The following SLCO2A1 variants were observed in gnomAD, a reference collection of about 807,000 sequenced individuals.
SLCO2A1 encodes matrin F/G 1.
In SLCO2A1, 60 loss-of-function variants were observed where a neutral mutation model predicts 71.7. That is an observed-to-expected ratio of 0.84 (90% CI 0.68 to 1.04). The LOEUF (loss-of-function observed/expected upper bound fraction) is 1.04. Ranked by LOEUF, SLCO2A1 falls within the 50% of genes least tolerant of loss-of-function variation. SLCO2A1 has a pLI of 0.00. For synonymous variants in SLCO2A1, 308 were observed against 326.7 expected, an observed-to-expected ratio of 0.94 and a Z score of 0.62; for missense variants, 745 against 813.4, an observed-to-expected ratio of 0.92 and a Z score of 1.02.
In SLCO2A1 at chr3:133,973,818, T is replaced by C. The variant is rs1481959534; in HGVS notation, c.242A>G (p.Asn81Ser). Reference protein sequence around the residue: ...GLISSLNEISNAILIIFVSYF... With the variant: ...GLISSLNEISSAILIIFVSYF... ...GCTGACAAAGATGATGAGGATGGCA[T>C]TGCTGATCTGAGAAGAGAGCAGAAG... The change falls in exon 3 of 14, where the codon AAT (asparagine) becomes AGT (serine). Residue 81 changes from asparagine (N) to serine (S), a missense_variant. Coordinates refer to ENST00000310926, the MANE Select transcript of SLCO2A1 (RefSeq NM_005630.3). The C allele has an allele frequency of 6.2e-7, 1 of 1,613,006 alleles. No homozygotes were observed. Among genetic ancestry groups the C allele is most frequent in the East Asian group, 2.2e-5 (1 of 44,850 alleles).
chr3:133,942,859 CTG>C, intron 10 of SLCO2A1, 91 bp from the exon 11 acceptor site: 1 of 1,362,310 alleles, frequency 7.3e-7, no homozygotes, highest in African/African-American at 1.5e-5. Context: ...TTGTTGGAGA[CTG>C]AGGTTTCAAC....
intron 1 of SLCO2A1, among the ~76,000 whole-genome samples, chr3:134,004,656 G>T (rs572903911): frequency 6.6e-6 from 1 of 152,144 alleles, no homozygotes; most frequent in African/African-American, 2.4e-5. Context: ...AAAATAAGGA[G>T]GCAAGGGTCC....
At chr3:133,936,961 T>A (rs1933285140) in intron 12 of SLCO2A1, among the ~76,000 whole-genome samples, 3 of 152,182 alleles carry the variant, frequency 2.0e-5, no homozygotes, top group Admixed American at 2.0e-4. Context: ...GAAGTCCTTT[T>A]TTTTACCCAA....
At chr3:133,989,627 A>C (rs1362341100) in intron 1 of SLCO2A1, among the ~76,000 whole-genome samples, 1 of 152,244 alleles carries the variant, frequency 6.6e-6, no homozygotes, top group Non-Finnish European at 1.5e-5. Context: ...TAAAATATCA[A>C]GTAGTGTGGA....
chr3:134,029,510 T>TCA (rs1259104039), intron 1 of SLCO2A1, among the ~76,000 whole-genome samples, 197 bp downstream of exon 1: 25 of 144,348 alleles, frequency 1.7e-4, no homozygotes, highest in Non-Finnish European at 2.7e-4. Context: ...ACACACACGC[T>TCA]CACACACACA....
intron 1 of SLCO2A1, 52 bp downstream of exon 1, chr3:134,029,654 GA>G: frequency 6.9e-7 from 1 of 1,450,326 alleles, no homozygotes. Flanking sequence ...GTGCCCAGCC[GA>G]AGGTGCGCCA....
In SLCO2A1 at chr3:134,016,421, C is replaced by G. The variant is rs1475818919; in HGVS notation, c.96+13286G>C. Among the ~76,000 whole-genome samples the G allele has an allele frequency of 3.3e-5, 5 of 151,842 alleles. No homozygotes were observed. The East Asian group carries it at 9.7e-4, about 29-fold the overall frequency. On this transcript the variant is annotated intron_variant, in intron 1 of 13. Transcript: ENST00000310926. ...AGAGGAAATACAAACAGTAAATAAA[C>G]ACATGAAAAGATGTTCAATATTACG...
In SLCO2A1 at chr3:133,973,017, A is replaced by G. The variant is rs1432306663; in HGVS notation, c.397+646T>C. ...ATAGTAACAATTTATAATAATGACC[A>G]CTGTGGGGAGGTTAAAGAGAGGTAG... On this transcript the variant is annotated intron_variant, in intron 3 of 13. Transcript: ENST00000310926. Among the ~76,000 whole-genome samples, 3 of 152,208 alleles carry G rather than the reference A, an allele frequency of 2.0e-5. No homozygotes were observed. The East Asian group carries it at 5.8e-4, about 29-fold the overall frequency.
chr3:133,942,358 C>T (rs1384445873), intron 11 of SLCO2A1: 13 of 391,896 alleles, frequency 3.3e-5, no homozygotes, highest in Admixed American at 4.4e-5. Context: ...GTCACATGGA[C>T]GCTGTGGGAC....
At chr3:134,029,686 G>A (rs1442726438) in intron 1 of SLCO2A1, 21 bp downstream of exon 1, 2 of 1,558,120 alleles carry the variant, frequency 1.3e-6, no homozygotes, top group South Asian at 1.2e-5. Context: ...CGGCCCGGAA[G>A]ACCCCGCGGA....
At chr3:133,944,973 G>C in intron 10 of SLCO2A1, 122 bp downstream of exon 10, 1 of 1,172,658 alleles carries the variant, frequency 8.5e-7, no homozygotes, top group Non-Finnish European at 1.2e-6. Context: ...CCAGGATGCT[G>C]GTAATGAGTG....
At chr3:133,980,936 A>G (rs897100601) in intron 1 of SLCO2A1, among the ~76,000 whole-genome samples, 2 of 152,342 alleles carry the variant, frequency 1.3e-5, no homozygotes, top group Middle Eastern at 3.4e-3. Context: ...TGGTAGAAGG[A>G]AGCCTGCCTG....
At position 133,955,120 on chromosome 3, in the gene SLCO2A1, G is replaced by A. The variant is rs1316789485; in HGVS notation, c.471C>T (p.Ser157=). 4 of 1,614,082 alleles carry A rather than the reference G, an allele frequency of 2.5e-6. No homozygotes were observed. The highest frequency in any genetic ancestry group is 2.7e-5 in the African/African-American group (2 of 74,936). The change falls in exon 4 of 14, where the codon AGC becomes AGT. Residue 157 remains serine (S), a synonymous_variant. Coordinates refer to ENST00000310926, the MANE Select transcript of SLCO2A1 (RefSeq NM_005630.3). ...WQDLPPSKCH[S]TTQNPQKETS... is the part of the protein sequence containing the mutation. ...TCTCCTTCTGGGGGTTCTGGGTGGT[G>A]CTGTGGCACTTACTGGGAGGCAGGT...
chr3:133,963,119 C>G (rs1934080661), intron 3 of SLCO2A1, among the ~76,000 whole-genome samples: 1 of 152,194 alleles, frequency 6.6e-6, no homozygotes, highest in Non-Finnish European at 1.5e-5. Flanking sequence ...AGCCCCACCC[C>G]ACCAGCATGT....
At chr3:134,003,309 C>T (rs922287612) in intron 1 of SLCO2A1, among the ~76,000 whole-genome samples, 2 of 152,192 alleles carry the variant, frequency 1.3e-5, no homozygotes, top group Admixed American at 6.5e-5. Context: ...GGTGGATTCA[C>T]GTCTGCAGCC....
At chr3:133,991,091 C>CA (rs1934831675) in intron 1 of SLCO2A1, among the ~76,000 whole-genome samples, 1 of 151,616 alleles carries the variant, frequency 6.6e-6, no homozygotes. Flanking sequence ...GCCTGGGTGA[C>CA]AGAGCAAGAC....
Position 133,948,896 on chromosome 3 carries a change from T to A in SLCO2A1, c.937A>T (p.Lys313Ter). 1 of 1,614,062 alleles carries A rather than the reference T, an allele frequency of 6.2e-7. No homozygotes were observed. Among genetic ancestry groups the A allele is most frequent in the Non-Finnish European group, 8.5e-7 (1 of 1,179,930 alleles). Residue 313 changes from lysine (K) to a stop codon, truncating the protein, a stop_gained, in exon 7 of 14, where the codon AAA (lysine) becomes TAA (stop). Transcript: ENST00000310926. LOFTEE classifies it high-confidence loss of function. Reference protein sequence around the residue: ...KSRGSLVDFIKRFPCIFLRLL... With the variant: ...KSRGSLVDFI The stretch of plus-strand genomic sequence containing the variant: ...CCAGGGCTGTAGGGTCAGTTACGTT[T>A]AATGAAATCCACCAGGGAGCCTCTT...
Position 133,934,696 on chromosome 3 carries a change from A to G in SLCO2A1, c.*17T>C. 1 of 1,568,376 alleles carries G rather than the reference A, an allele frequency of 6.4e-7. No homozygotes were observed. The stretch of plus-strand genomic sequence containing the variant: ...CAAGGTCCACTCTCTGGAGCAGGGC[A>G]GTGGCCCAGGGTGGGGTCAGATGAG... On this transcript the variant is annotated 3_prime_UTR_variant, in exon 14 of 14. Coordinates refer to ENST00000310926, the MANE Select transcript of SLCO2A1 (RefSeq NM_005630.3).
intron 12 of SLCO2A1, among the ~76,000 whole-genome samples, chr3:133,936,561 C>T (rs559002210): frequency 5.6e-4 from 85 of 152,244 alleles, no homozygotes; most frequent in African/African-American, 1.8e-3. Context: ...TCTAATATTC[C>T]GGATGCCACA....
Sources: gnomAD v4.1 joint callset for allele counts (sites outside exome capture counted in the v4.1 genomes callset) on GRCh38, gnomAD v4.1.1 for gene constraint, MANE v1.5 for transcripts, NCBI Gene and HGNC (gene_info 2026-07-23, HGNC 2026-07-21) for gene names.